FAM178B: variants seen among roughly 807,000 people sequenced by gnomAD.
FAM178B encodes the protein protein FAM178B.
FAM178B carries 82 observed loss-of-function variants against 91.7 expected under a neutral mutation model. That is an observed-to-expected ratio of 0.89 (90% CI 0.75 to 1.07). FAM178B has a LOEUF of 1.07. Among genes scored for constraint, FAM178B ranks in the 50% least tolerant of loss-of-function variants. FAM178B has a pLI of 0.00. For missense variants in FAM178B, 769 were observed against 846.7 expected (o/e 0.91, Z 1.14); for synonymous variants, 368 against 359.4 (o/e 1.02, Z -0.27).
chr2:96,876,492 G>A (rs775666545), intron 16 of FAM178B, among the ~76,000 whole-genome samples, 184 bp from the exon 17 acceptor site: 23 of 152,326 alleles, frequency 1.5e-4, no homozygotes, highest in South Asian at 6.2e-4. Context: ...CTACGTGACC[G>A]TATAAGTGGT....
Position 96,921,274 on chromosome 2 carries a change from C to T in FAM178B, c.1465-12G>A, listed in dbSNP as rs1375103525. The T allele has an allele frequency of 4.9e-5, 76 of 1,550,900 alleles. No individual in the cohort carries two copies. Among genetic ancestry groups the T allele is most frequent in the Non-Finnish European group, 6.5e-5 (74 of 1,146,516 alleles). ...CACAGTTCCTGGAGCTGCAGGAGAA[C>T]GGCACCCCATGGGCTACAGGAGGAC... is the stretch of plus-strand genomic sequence containing the variant. On this transcript the variant is annotated splice_polypyrimidine_tract_variant and intron_variant, in intron 11 of 16. Transcript: ENST00000490605.
intron 13 of FAM178B, among the ~76,000 whole-genome samples, chr2:96,896,741 G>C (rs1189009257): frequency 1.3e-5 from 2 of 152,206 alleles, no homozygotes; most frequent in Non-Finnish European, 2.9e-5. Context: ...CGACCTGCCT[G>C]CTGCTTCCTG....
intron 12 of FAM178B, among the ~76,000 whole-genome samples, chr2:96,920,629 G>A (rs1002403304): frequency 1.3e-5 from 2 of 152,016 alleles, no homozygotes; most frequent in Admixed American, 6.6e-5. Flanking sequence ...TTTACAGAGC[G>A]CCGAACAGCA....
chr2:96,971,278 T>G (rs2082213726), intron 3 of FAM178B, among the ~76,000 whole-genome samples: 1 of 97,036 alleles, frequency 1.0e-5, no homozygotes. Context: ...CTTCTCCCCC[T>G]CCTTCCCTCT....
At chr2:96,976,032 C>T (rs2082283276) in intron 1 of FAM178B, among the ~76,000 whole-genome samples, 1 of 152,126 alleles carries the variant, frequency 6.6e-6, no homozygotes, top group Admixed American at 6.6e-5. Context: ...ACACATTCTT[C>T]CTAAGTACAC....
chr2:96,891,533 G>C (rs1201796730), intron 14 of FAM178B, among the ~76,000 whole-genome samples: 4 of 145,224 alleles, frequency 2.8e-5, no homozygotes, highest in Non-Finnish European at 6.0e-5. Flanking sequence ...CGTTCACCTA[G>C]TGCCAAATGT....
intron 4 of FAM178B, among the ~76,000 whole-genome samples, chr2:96,969,715 G>T (rs1158053211): frequency 6.6e-6 from 1 of 152,240 alleles, no homozygotes; most frequent in Non-Finnish European, 1.5e-5. Flanking sequence ...TCTAATGGGA[G>T]AAAATCACTC....
intron 7 of FAM178B, among the ~76,000 whole-genome samples, chr2:96,950,549 T>G (rs896274010): frequency 1.3e-5 from 2 of 152,132 alleles, no homozygotes; most frequent in African/African-American, 4.8e-5. Flanking sequence ...AGGCTCCAAC[T>G]GGCAGGAATG....
chr2:96,908,997 GC>G (rs2081104418), intron 12 of FAM178B, among the ~76,000 whole-genome samples: 1 of 151,888 alleles, frequency 6.6e-6, no homozygotes, highest in Non-Finnish European at 1.5e-5. Flanking sequence ...ACAAAAATTA[GC>G]CGGGTGTGGT....
intron 14 of FAM178B, among the ~76,000 whole-genome samples, chr2:96,883,243 G>A (rs1236873982): frequency 2.0e-5 from 3 of 152,198 alleles, no homozygotes; most frequent in Non-Finnish European, 2.9e-5. Flanking sequence ...AGTCAACTAG[G>A]AGCCATTAGC....
At chr2:96,881,270 C>CA (rs1168855038) in intron 14 of FAM178B, among the ~76,000 whole-genome samples, 3,248 of 63,958 alleles carry the variant, frequency 0.051, 84 homozygotes, top group African/African-American at 0.079. Flanking sequence ...AAGCTGGTCT[C>CA]AAAAAAAAAA....
At chr2:96,920,657 G>T (rs1574249083) in intron 12 of FAM178B, among the ~76,000 whole-genome samples, 1 of 152,296 alleles carries the variant, frequency 6.6e-6, no homozygotes, top group East Asian at 1.9e-4. Context: ...CACTGTTCTA[G>T]ATCTGGGACA....
intron 8 of FAM178B, among the ~76,000 whole-genome samples, chr2:96,934,529 A>T (rs532911853): frequency 6.6e-6 from 1 of 152,320 alleles, no homozygotes; most frequent in South Asian, 2.1e-4. Flanking sequence ...CAACAAAAAA[A>T]TCCTGTATCC....
chr2:96,887,662 C>T (rs759473804), intron 14 of FAM178B, among the ~76,000 whole-genome samples: 5 of 152,152 alleles, frequency 3.3e-5, no homozygotes, highest in South Asian at 4.1e-4. Flanking sequence ...GGCCAGCTGG[C>T]GGAGGCTCTG....
chr2:96,945,379 C>CT (rs11380303), intron 8 of FAM178B, among the ~76,000 whole-genome samples: 118,794 of 151,994 alleles, frequency 0.78, 47,934 homozygotes, highest in African/African-American at 0.9. Context: ...CCCCTCAACT[C>CT]TTTCCTTACT....
At chr2:96,927,941 C>T (rs749605516) in intron 9 of FAM178B, among the ~76,000 whole-genome samples, 4 of 152,234 alleles carry the variant, frequency 2.6e-5, no homozygotes, top group Admixed American at 6.5e-5. Flanking sequence ...GCGATTGCAG[C>T]TCTGTGCCAG....
chr2:96,926,728 T>C (rs1020076049), intron 9 of FAM178B, among the ~76,000 whole-genome samples: 16 of 152,190 alleles, frequency 1.1e-4, no homozygotes, highest in Admixed American at 2.6e-4. Flanking sequence ...TGCATCTTTC[T>C]GAAAGGAAAT....
At chr2:96,964,732 C>G (rs969320455) in intron 5 of FAM178B, among the ~76,000 whole-genome samples, 2 of 152,220 alleles carry the variant, frequency 1.3e-5, no homozygotes, top group Non-Finnish European at 2.9e-5. Context: ...TCTCCTTCGT[C>G]CCTTCTTGTT....
At chr2:96,942,440 T>TG (rs1294309575) in intron 8 of FAM178B, among the ~76,000 whole-genome samples, 1 of 152,234 alleles carries the variant, frequency 6.6e-6, no homozygotes, top group African/African-American at 2.4e-5. Flanking sequence ...TCGCCCAGGC[T>TG]GGAGTGCAGT....
Sources: gnomAD v4.1 joint callset for allele counts (sites outside exome capture counted in the v4.1 genomes callset) on GRCh38, gnomAD v4.1.1 for gene constraint, MANE v1.5 for transcripts, NCBI Gene and HGNC (gene_info 2026-07-23, HGNC 2026-07-21) for gene names.